ARHGAP20: variants seen among roughly 807,000 people sequenced by gnomAD.
The protein encoded by ARHGAP20 is rho GTPase-activating protein 20.
ARHGAP20 carries 34 observed loss-of-function variants against 73.7 expected under a neutral mutation model. That is an observed-to-expected ratio of 0.46 (90% confidence interval 0.35 to 0.61). The LOEUF is 0.61. Ranked by LOEUF, ARHGAP20 falls within the 20% of genes least tolerant of loss-of-function variation. The pLI is 0.00. For synonymous variants in ARHGAP20, 523 were observed against 518.2 expected, an observed-to-expected ratio of 1.01 and a Z score of -0.13; for missense variants, 1,314 against 1,420.9, an observed-to-expected ratio of 0.92 and a Z score of 1.21.
At chr11:110,642,072 T>C (rs7951046) in intron 2 of ARHGAP20, among the ~76,000 whole-genome samples, 7 of 151,796 alleles carry the variant, frequency 4.6e-5, no homozygotes, top group Non-Finnish European at 8.8e-5. Flanking sequence ...AGGAACGAAA[T>C]AATTAAACCT....
chr11:110,690,980 T>C (rs572715812), intron 1 of ARHGAP20: 23 of 1,521,896 alleles, frequency 1.5e-5, no homozygotes, highest in Admixed American at 2.0e-5. Flanking sequence ...ACCTTATTTA[T>C]TATAATCCAA....
intron 2 of ARHGAP20, among the ~76,000 whole-genome samples, chr11:110,690,055 T>C (rs963703293): frequency 6.6e-6 from 1 of 152,184 alleles, no homozygotes. Context: ...TAGCTGATTT[T>C]TCCACTTTGA....
chr11:110,671,244 C>T (rs10891162), intron 2 of ARHGAP20, among the ~76,000 whole-genome samples: 33,648 of 151,158 alleles, frequency 0.22, 3,742 homozygotes, highest in South Asian at 0.32. Flanking sequence ...AAAAACCCAA[C>T]AACATGATCA....
intron 13 of ARHGAP20, 50 bp from the exon 14 acceptor site, chr11:110,582,485 T>C (rs1358255085): frequency 2.5e-6 from 3 of 1,203,708 alleles, no homozygotes; most frequent in Middle Eastern, 1.9e-4. Flanking sequence ...TACATGTTTA[T>C]AAATCACATT....
intron 2 of ARHGAP20, among the ~76,000 whole-genome samples, chr11:110,656,990 A>C (rs535685808): frequency 7.9e-4 from 120 of 152,248 alleles, no homozygotes; most frequent in African/African-American, 2.8e-3. Flanking sequence ...TATGTATCTT[A>C]TCTCTTTTTA....
At chr11:110,709,703 G>A (rs574206146) in intron 1 of ARHGAP20, among the ~76,000 whole-genome samples, 42 of 152,318 alleles carry the variant, frequency 2.8e-4, no homozygotes, top group African/African-American at 1.0e-3. Context: ...GAAGGCCCAT[G>A]TGGTTGGAGA....
chr11:110,632,107 TC>T (rs1219101890), intron 2 of ARHGAP20, among the ~76,000 whole-genome samples: 1 of 152,228 alleles, frequency 6.6e-6, no homozygotes, highest in Non-Finnish European at 1.5e-5. Context: ...TTGGGCTGTT[TC>T]CAGTTTTTAG....
intron 2 of ARHGAP20, among the ~76,000 whole-genome samples, chr11:110,647,314 A>G (rs560375645): frequency 6.6e-6 from 1 of 152,224 alleles, no homozygotes; most frequent in African/African-American, 2.4e-5. Flanking sequence ...TAGGTGGAGA[A>G]CAGGTTCAAG....
At chr11:110,590,066 A>G (rs1047675092) in intron 11 of ARHGAP20, among the ~76,000 whole-genome samples, 1 of 150,698 alleles carries the variant, frequency 6.6e-6, no homozygotes, top group African/African-American at 2.4e-5. Flanking sequence ...GGTTGCAGTG[A>G]GCCGCAATCA....
chr11:110,712,082 G>A (rs769530627), intron 1 of ARHGAP20, 45 bp downstream of exon 1: 34 of 1,262,088 alleles, frequency 2.7e-5, no homozygotes, highest in South Asian at 3.4e-5. Context: ...CCGGCAGTGG[G>A]GGCTGCGGCG....
intron 1 of ARHGAP20, among the ~76,000 whole-genome samples, chr11:110,697,915 T>C (rs1208325798): frequency 6.6e-6 from 1 of 151,868 alleles, no homozygotes; most frequent in Non-Finnish European, 1.5e-5. Context: ...GGCTCTTTTT[T>C]TGGTTCCATA....
chr11:110,599,935 TG>T (rs1948069333), intron 9 of ARHGAP20, among the ~76,000 whole-genome samples: 1 of 152,006 alleles, frequency 6.6e-6, no homozygotes, highest in Non-Finnish European at 1.5e-5. Flanking sequence ...GGACATCTGA[TG>T]GGATGACCTG....
chr11:110,628,664 T>A (rs1948798222), intron 3 of ARHGAP20, among the ~76,000 whole-genome samples: 1 of 152,198 alleles, frequency 6.6e-6, no homozygotes, highest in Non-Finnish European at 1.5e-5. Context: ...TCTTTCATAA[T>A]TTGAACCTCT....
intron 2 of ARHGAP20, among the ~76,000 whole-genome samples, chr11:110,631,795 C>T (rs1388640807): frequency 6.6e-6 from 1 of 152,196 alleles, no homozygotes; most frequent in East Asian, 1.9e-4. Context: ...CAATCCTGTA[C>T]AGTATGTTAA....
At chr11:110,603,606 T>C (rs963035872) in intron 9 of ARHGAP20, among the ~76,000 whole-genome samples, 1 of 152,208 alleles carries the variant, frequency 6.6e-6, no homozygotes, top group African/African-American at 2.4e-5. Context: ...GTTCGAGTAG[T>C]GTTTTACCAA....
At chr11:110,713,052 C>A (rs965048271), upstream of ARHGAP20, 1 of 152,296 alleles carries the variant, frequency 6.6e-6, no homozygotes, top group African/African-American at 2.4e-5. Context: ...ATGTCAGCGG[C>A]CCCTGCACAT....
At chr11:110,599,824 CT>C (rs1467579907) in intron 9 of ARHGAP20, among the ~76,000 whole-genome samples, 1 of 152,186 alleles carries the variant, frequency 6.6e-6, no homozygotes, top group Non-Finnish European at 1.5e-5. Context: ...GATGACCAGC[CT>C]GCAGAGAGGA....
chr11:110,694,094 C>A (rs779740189), intron 1 of ARHGAP20, among the ~76,000 whole-genome samples: 3 of 151,724 alleles, frequency 2.0e-5, no homozygotes, highest in Non-Finnish European at 3.0e-5. Flanking sequence ...AGTTTGATAT[C>A]GTATCACTTA....
At chr11:110,648,205 A>T (rs1402180164) in intron 2 of ARHGAP20, among the ~76,000 whole-genome samples, 1 of 68,490 alleles carries the variant, frequency 1.5e-5, no homozygotes, top group South Asian at 5.4e-4. Context: ...ATATATATAT[A>T]TGTAAATATA....
Sources: gnomAD v4.1 joint callset for allele counts (sites outside exome capture counted in the v4.1 genomes callset) on GRCh38, gnomAD v4.1.1 for gene constraint, MANE v1.5 for transcripts, NCBI Gene and HGNC (gene_info 2026-07-23, HGNC 2026-07-21) for gene names.